SLC25A18: variants seen among roughly 807,000 people sequenced by gnomAD.
SLC25A18 encodes the protein mitochondrial glutamate carrier 2.
In SLC25A18, 24 loss-of-function variants were observed where a neutral mutation model predicts 31.1. That is an observed-to-expected ratio of 0.77 (90% CI 0.56 to 1.08). SLC25A18 has a LOEUF of 1.08. Among genes scored for constraint, SLC25A18 ranks in the 50% least tolerant of loss-of-function variants. The pLI is 0.00. For missense variants in SLC25A18, 371 were observed against 418.5 expected (o/e 0.89, Z 0.99); for synonymous variants, 173 against 161.9 (o/e 1.07, Z -0.52).
intron 1 of SLC25A18, chr22:17,569,603 G>T (rs1019837946): frequency 1.0e-6 from 1 of 985,256 alleles, no homozygotes; most frequent in African/African-American, 1.7e-5. Context: ...TGGCTTCCAG[G>T]TCTCTGAGTG....
In SLC25A18 at chr22:17,587,753, CT is replaced by C. The variant is rs111936167; in HGVS notation, c.576-168del. ...GACGGCGGAACAGATGGCAACAGCT[CT>C]TTTGTCCCCTGCTGTCCCTCACCCA... On this transcript the variant is annotated intron_variant, in intron 8 of 10. Transcript: ENST00000327451. 0.018 allele frequency: 12,982 copies of C among 736,540 alleles called. 1,217 individuals are homozygous for C. The African/African-American group carries it at 0.2, about 11-fold the overall frequency. 45.6% of individuals were successfully genotyped at this position (736,540 alleles called of 1,614,324 possible).
chr22:17,567,060 G>T (rs1390749329), intron 1 of SLC25A18, among the ~76,000 whole-genome samples: 1 of 152,200 alleles, frequency 6.6e-6, no homozygotes, highest in Admixed American at 6.5e-5. Flanking sequence ...TACTTGGGAG[G>T]CTGAGGTGAG....
rs1258466865 is a variant in SLC25A18 at position 17,582,961 on chromosome 22, G to A, written c.290+308G>A. ...GCAGTGGCTCATGCCTGTAATCCCA[G>A]CACTTTAGGAGGTTGAGGAAGGAGG... On this transcript the variant is annotated intron_variant, in intron 6 of 10. Transcript: ENST00000327451. Among the ~76,000 whole-genome samples the A allele has an allele frequency of 2.0e-5, 3 of 152,178 alleles. No homozygotes were observed. In the East Asian group the frequency reaches 5.8e-4, roughly 29 times the overall value.
chr22:17,568,793 C>T (rs1028477609), intron 1 of SLC25A18, among the ~76,000 whole-genome samples: 3 of 151,552 alleles, frequency 2.0e-5, no homozygotes, highest in African/African-American at 7.3e-5. Flanking sequence ...AGTCTCCTGA[C>T]CTTGTGATCC....
chr22:17,588,836 CGA>C (rs1284392224), intron 9 of SLC25A18: 17 of 151,466 alleles, frequency 1.1e-4, no homozygotes, highest in African/African-American at 4.1e-4. Context: ...TTTGGGAGAC[CGA>C]GACAGGAGCC....
chr22:17,586,113 G>A (rs2057542903), intron 7 of SLC25A18, among the ~76,000 whole-genome samples: 1 of 152,214 alleles, frequency 6.6e-6, no homozygotes, highest in African/African-American at 2.4e-5. Flanking sequence ...AGGAGGAGGT[G>A]ACCTGGAAGC....
rs768633467 is a variant in SLC25A18, at chr22:17,581,429, C to T, written c.199+16C>T. On this transcript the variant is annotated intron_variant, in intron 5 of 10. Transcript: ENST00000327451. ...ATGTACCGAGGTGGGCTTCTCAGGT[C>T]CCCTGGGAGGCTGGGCAGCAGGTGT... The T allele has an allele frequency of 1.3e-5, 21 of 1,613,816 alleles. No homozygotes were observed. The highest frequency in any genetic ancestry group is 1.7e-5 in the Non-Finnish European group (20 of 1,179,890).
intron 2 of SLC25A18, among the ~76,000 whole-genome samples, chr22:17,576,936 T>G (rs1181273122): frequency 2.0e-5 from 3 of 152,202 alleles, no homozygotes; most frequent in Non-Finnish European, 4.4e-5. Context: ...CTTGGCTCAC[T>G]GCAACCTCCG....
intron 1 of SLC25A18, among the ~76,000 whole-genome samples, chr22:17,566,653 C>T (rs2056945281): frequency 6.6e-6 from 1 of 152,144 alleles, no homozygotes; most frequent in Non-Finnish European, 1.5e-5. Context: ...CTCAGGTGAT[C>T]CGCCCACCTC....
Position 17,583,551 on chromosome 22 carries a change from C to T in SLC25A18, c.409+17C>T, listed in dbSNP as rs772624232. 4 of 1,612,004 alleles carry T rather than the reference C, an allele frequency of 2.5e-6. No individual in the cohort carries two copies. In the South Asian group the frequency reaches 4.4e-5, roughly 18 times the overall value. On this transcript the variant is annotated intron_variant, in intron 7 of 10. Coordinates refer to ENST00000327451, the MANE Select transcript of SLC25A18 (RefSeq NM_031481.3). ...GACGCCTGGGTGAGGCCTGTCCCCA[C>T]CTCCTATGGGAACAGTAAAGGGCTG... is the stretch of plus-strand genomic sequence containing the variant.
rs571178926 is a variant in SLC25A18, at chr22:17,575,523, G to T, written c.-200-4222G>T. Reference sequence around the variant, plus strand: ...TGCTGATGGGCCCCAAGTTTTATCTGTTACAGGTAAAATGCCCCTAAAAGA... The same window carrying T: ...TGCTGATGGGCCCCAAGTTTTATCTTTTACAGGTAAAATGCCCCTAAAAGA... On this transcript the variant is annotated intron_variant, in intron 2 of 10. Coordinates refer to ENST00000327451, the MANE Select transcript of SLC25A18 (RefSeq NM_031481.3). Among the ~76,000 whole-genome samples, 26 of 152,222 alleles carry T rather than the reference G, an allele frequency of 1.7e-4. 1 individual carries two copies. In the Middle Eastern group the frequency reaches 0.017, roughly 100 times the overall value.
At chr22:17,571,563 T>C (rs1003090491) in intron 2 of SLC25A18, among the ~76,000 whole-genome samples, 5 of 152,028 alleles carry the variant, frequency 3.3e-5, no homozygotes, top group Admixed American at 3.3e-4. Context: ...CACTTGAGGC[T>C]GACGAGTTCA....
Position 17,579,906 on chromosome 22 carries a change from C to T in SLC25A18, c.-39C>T. 2.5e-6 allele frequency: 4 copies of T among 1,603,216 alleles called. No homozygotes were observed. The highest frequency in any genetic ancestry group is 3.4e-6 in the Non-Finnish European group (4 of 1,175,550). On this transcript the variant is annotated 5_prime_UTR_variant, in exon 3 of 11. Coordinates refer to ENST00000327451, the MANE Select transcript of SLC25A18 (RefSeq NM_031481.3). ...CCCCAACAGCGGCTACCCCAAGGAG[C>T]CAGCAGCCTTGTGTCCTGGGATCCC...
chr22:17,570,842 G>C (rs570603221), intron 2 of SLC25A18, among the ~76,000 whole-genome samples: 1 of 152,204 alleles, frequency 6.6e-6, no homozygotes, highest in Non-Finnish European at 1.5e-5. Context: ...GCAAGTCAGT[G>C]TCAATGTAAT....
chr22:17,581,243 G>C, intron 4 of SLC25A18, 84 bp downstream of exon 4: 3 of 1,575,668 alleles, frequency 1.9e-6, no homozygotes, highest in South Asian at 2.3e-5. Flanking sequence ...CAGGCAGCGC[G>C]CGTGAGCCTG....
At position 17,582,622 on chromosome 22, in the gene SLC25A18, G is replaced by T; in HGVS notation, c.259G>T (p.Asp87Tyr). The T allele has an allele frequency of 6.2e-7, 1 of 1,605,032 alleles. No homozygotes were observed. Among genetic ancestry groups the T allele is most frequent in the Non-Finnish European group, 8.5e-7 (1 of 1,175,390 alleles). Reference protein sequence around the residue: ...PEKAIKLAANDFFRRLLMEDG... With the variant: ...PEKAIKLAANYFFRRLLMEDG... ...GAAGGCCATCAAGCTGGCGGCCAACGACTTTTTCCGGCGGCTGCTCATGGA... is the reference window on the plus strand; with the variant it reads ...GAAGGCCATCAAGCTGGCGGCCAACTACTTTTTCCGGCGGCTGCTCATGGA... The change falls in exon 6 of 11, where the codon GAC (aspartate) becomes TAC (tyrosine). Residue 87 changes from aspartate to tyrosine, a missense_variant. Physicochemically the swap from Asp to Tyr is radical, Grantham distance 160. Transcript: ENST00000327451.
At chr22:17,587,015 C>A in intron 7 of SLC25A18, 121 bp from the exon 8 acceptor site, 2 of 1,117,454 alleles carry the variant, frequency 1.8e-6, no homozygotes, top group South Asian at 1.5e-5. Context: ...TTCTGGATGC[C>A]AGCTGAGGTG....
intron 6 of SLC25A18, 23 bp from the exon 7 acceptor site, chr22:17,583,393 G>T: frequency 1.2e-6 from 2 of 1,613,684 alleles, no homozygotes; most frequent in Non-Finnish European, 1.7e-6. Context: ...GCGGCTGAAG[G>T]AGCCTGACGC....
intron 1 of SLC25A18, among the ~76,000 whole-genome samples, chr22:17,568,009 CTTTATAT>C (rs558060822): frequency 2.6e-4 from 39 of 151,854 alleles, no homozygotes; most frequent in Admixed American, 2.6e-3. Context: ...TGGAATGGGA[CTTTATAT>C]TTTGTATTTG....
Sources: allele counts gnomAD v4.1 joint callset (sites outside exome capture counted in the v4.1 genomes callset), GRCh38; gene constraint gnomAD v4.1.1; transcripts MANE v1.5; gene names NCBI Gene and HGNC (gene_info 2026-07-23, HGNC 2026-07-21).